Variants in SPRED3 observed in about 807,000 individuals in gnomAD.
The protein encoded by SPRED3 is sprouty related EVH1 domain containing 3, also known as sprouty-related, EVH1 domain-containing protein 3.
Under a neutral mutation model 37.6 loss-of-function variants are expected in SPRED3, and 23 were observed. The observed-to-expected ratio is 0.61, with a 90% CI of 0.44 to 0.87. SPRED3 has a LOEUF of 0.87. SPRED3 is among the 40% of genes least tolerant of loss of function. The probability of loss-of-function intolerance (pLI) is 0.00; values close to 1 mark genes in which losing one functional copy is unlikely to be tolerated. For synonymous variants in SPRED3, 302 were observed against 279.6 expected (o/e 1.08, Z -0.80); for missense variants, 584 against 618.6 (o/e 0.94, Z 0.59).
At position 38,394,789 on chromosome 19, in the gene SPRED3, G is replaced by T; in HGVS notation, c.567+3G>T. On this transcript the variant is annotated splice_donor_region_variant and intron_variant, in intron 5 of 5. Coordinates refer to ENST00000691638, the MANE Select transcript of SPRED3 (RefSeq NM_001394336.1). Reference sequence around the variant, plus strand: ...AGCGCCGCCGCTCCTCCGCTCAGGTGCGACCTGGGAGCCTGGGGCTCCTGG... The same window carrying T: ...AGCGCCGCCGCTCCTCCGCTCAGGTTCGACCTGGGAGCCTGGGGCTCCTGG... 6.4e-7 allele frequency: 1 copy of T among 1,556,506 alleles called. No homozygotes were observed.
At position 38,396,973 on chromosome 19, in the gene SPRED3, C is replaced by G. The variant is rs190481507; in HGVS notation, c.*828C>G. 6.6e-6 allele frequency: 1 copy of G among 152,284 alleles called. No individual in the cohort carries two copies. Among genetic ancestry groups the G allele is most frequent in the East Asian group, 1.9e-4 (1 of 5,182 alleles). 9.4% of individuals were successfully genotyped at this position (152,284 alleles called of 1,614,324 possible). ...CTTGGGAGACCCATCCCAGAGCCCC[C>G]AAGATCCAGATATCAGACACCAAGA... On this transcript the variant is annotated 3_prime_UTR_variant, in exon 6 of 6. Coordinates refer to ENST00000691638, the MANE Select transcript of SPRED3 (RefSeq NM_001394336.1).
Position 38,395,684 on chromosome 19 carries a change from C to G in SPRED3, c.772C>G (p.Leu258Val). ...RGAALGPPAA[L>V]PAPLTEAAPP... is the part of the protein sequence containing the mutation. The stretch of plus-strand genomic sequence containing the variant: ...CGCTGCCCTGGGTCCCCCAGCGGCA[C>G]TACCTGCCCCTTTGACCGAGGCTGC... The change falls in exon 6 of 6, where the codon CTA (leucine) becomes GTA (valine). Residue 258 changes from leucine to valine, a missense_variant. By Grantham distance (32) the Leu-to-Val change is conservative. Around this residue, in one of 7 missense-constraint regions of SPRED3, gnomAD observed 310 missense variants for 281.1 expected, o/e 1.10. Transcript: ENST00000691638. The surrounding 1 kb of genome is among the most constrained non-coding windows in gnomAD (Gnocchi z 5.2). The G allele has an allele frequency of 6.7e-7, 1 of 1,488,256 alleles. No individual in the cohort carries two copies. 92.2% of individuals were successfully genotyped at this position (1,488,256 alleles called of 1,614,324 possible).
chr19:38,390,310 G>A lies in SPRED3; in HGVS notation c.8G>A (p.Arg3Gln), dbSNP rs778050357. The change falls in exon 2 of 6, where the codon CGG becomes CAG. Residue 3 changes from arginine (R) to glutamine (Q), a missense_variant. Transcript: ENST00000691638. Reference sequence around the variant, plus strand: ...CCCACCTCCTGCAGGTACATGGTGCGGGTCCGAGCTGTGGTGATGGCCCGA... The same window carrying A: ...CCCACCTCCTGCAGGTACATGGTGCAGGTCCGAGCTGTGGTGATGGCCCGA... MV[R>Q]VRAVVMARDD... 21 of 1,353,440 alleles carry A rather than the reference G, an allele frequency of 1.6e-5. No homozygotes were observed. Among genetic ancestry groups the A allele is most frequent in the East Asian group, 2.8e-5 (1 of 35,826 alleles). 83.8% of individuals were successfully genotyped at this position (1,353,440 alleles called of 1,614,324 possible). A position where few individuals can be genotyped will look rare whatever the true frequency, so the allele number is the denominator to read the frequency against.
Position 38,395,878 on chromosome 19 carries a change from T to A in SPRED3, c.966T>A (p.Gly322=). ...GCTGCGCAGAGGCCCCGGACCCGGG[T>A]CGCCTCCTGGTGCGCCGTCTAAGCT... The part of the protein sequence containing the change: ...GGRCAEAPDP[G]RLLVRRLSCL... Residue 322 remains glycine (G), a synonymous_variant, in exon 6 of 6, where the codon GGT becomes GGA. Coordinates refer to ENST00000691638, the MANE Select transcript of SPRED3 (RefSeq NM_001394336.1). The surrounding 1 kb of genome is among the most constrained non-coding windows in gnomAD (Gnocchi z 5.2). 6.7e-7 allele frequency: 1 copy of A among 1,496,430 alleles called. No homozygotes were observed. The highest frequency in any genetic ancestry group is 1.2e-5 in the South Asian group (1 of 80,016). The allele number at this position is 1,496,430 out of a possible 1,614,324, so 92.7% of individuals were successfully genotyped here. A position where few individuals can be genotyped will look rare whatever the true frequency, so the allele number is the denominator to read the frequency against.
chr19:38,391,207 G>GT (rs1403723137), intron 2 of SPRED3, among the ~76,000 whole-genome samples: 1 of 151,728 alleles, frequency 6.6e-6, no homozygotes, highest in Non-Finnish European at 1.5e-5. Context: ...CTGTTTTGGA[G>GT]TAAGTGCTGG....
rs1197896623 is a variant in SPRED3, at chr19:38,395,656, G to A, written c.744G>A (p.Arg248=). Reference sequence around the variant, plus strand: ...GCTTCGCCAAGACCGGCGCGTTGAGGGGCGCTGCCCTGGGTCCCCCAGCGG... The same window carrying A: ...GCTTCGCCAAGACCGGCGCGTTGAGAGGCGCTGCCCTGGGTCCCCCAGCGG... ...VVRFAKTGAL[R]GAALGPPAAL... Residue 248 remains arginine (R), a synonymous_variant, in exon 6 of 6, where the codon AGG becomes AGA. Transcript: ENST00000691638. The surrounding 1 kb of genome is among the most constrained non-coding windows in gnomAD (Gnocchi z 5.2). 2 of 1,523,708 alleles carry A rather than the reference G, an allele frequency of 1.3e-6. No homozygotes were observed. The highest frequency in any genetic ancestry group is 1.7e-6 in the Non-Finnish European group (2 of 1,146,234). The allele number at this position is 1,523,708 out of a possible 1,614,324, so 94.4% of individuals were successfully genotyped here.
chr19:38,389,407 T>A (rs1259972915), intron 1 of SPRED3, among the ~76,000 whole-genome samples: 1 of 144,748 alleles, frequency 6.9e-6, no homozygotes, highest in African/African-American at 2.6e-5. Flanking sequence ...AGTGAAGGGC[T>A]GGACACTGAT....
chr19:38,395,793 C>T lies in SPRED3; in HGVS notation c.881C>T (p.Ala294Val). Residue 294 changes from alanine (A) to valine (V), a missense_variant, in exon 6 of 6, where the codon GCA becomes GTA. By Grantham distance (64) the Ala-to-Val change is moderately conservative (BLOSUM62 0). Around this residue, in one of 7 missense-constraint regions of SPRED3, gnomAD observed 310 missense variants for 281.1 expected, o/e 1.10. Transcript: ENST00000691638. This position sits in a 1 kb window ranked among gnomAD's most constrained non-coding sequence, Gnocchi z 5.2. ...PAKASPEAEEAARCVHCRALF... is the reference protein window; with the variant it reads ...PAKASPEAEEVARCVHCRALF... Reference sequence around the variant, plus strand: ...AAGGCCTCCCCGGAAGCGGAGGAGGCAGCGCGCTGCGTGCATTGCCGCGCG... The same window carrying T: ...AAGGCCTCCCCGGAAGCGGAGGAGGTAGCGCGCTGCGTGCATTGCCGCGCG... 1 of 1,465,132 alleles carries T rather than the reference C, an allele frequency of 6.8e-7. No homozygotes were observed. 90.8% of individuals were successfully genotyped at this position (1,465,132 alleles called of 1,614,324 possible). A position where few individuals can be genotyped will look rare whatever the true frequency, so the allele number is the denominator to read the frequency against.
chr19:38,388,752 AAGG>A lies in SPRED3; in HGVS notation c.-47_-45del, dbSNP rs1266895354. On this transcript the variant is annotated 5_prime_UTR_variant, in exon 1 of 6. Coordinates refer to ENST00000691638, the MANE Select transcript of SPRED3 (RefSeq NM_001394336.1). ...GAGCCAGCCAGGGAGCCGGAACGAA[AAGG>A]AGGAGGAGGAGGCCGCGTCGCCGCC... The A allele has an allele frequency of 2.5e-6, 1 of 397,580 alleles. No homozygotes were observed. Among genetic ancestry groups the A allele is most frequent in the Non-Finnish European group, 4.4e-6 (1 of 225,560 alleles). The allele number at this position is 397,580 out of a possible 1,614,324, so 24.6% of individuals were successfully genotyped here. A position where few individuals can be genotyped will look rare whatever the true frequency, so the allele number is the denominator to read the frequency against.
chr19:38,388,771 C>G lies in SPRED3; in HGVS notation c.-41C>G. On this transcript the variant is annotated 5_prime_UTR_variant, in exon 1 of 6. Coordinates refer to ENST00000691638, the MANE Select transcript of SPRED3 (RefSeq NM_001394336.1). ...AACGAAAAGGAGGAGGAGGAGGCCG[C>G]GTCGCCGCCGCTCGGAGCCCGGCCG... 2.5e-6 allele frequency: 1 copy of G among 398,178 alleles called. No homozygotes were observed. The highest frequency in any genetic ancestry group is 1.3e-4 in the South Asian group (1 of 7,848). 24.7% of individuals were successfully genotyped at this position (398,178 alleles called of 1,614,324 possible). A position where few individuals can be genotyped will look rare whatever the true frequency, so the allele number is the denominator to read the frequency against.
At chr19:38,391,106 A>G (rs565432348) in intron 2 of SPRED3, among the ~76,000 whole-genome samples, 1 of 151,920 alleles carries the variant, frequency 6.6e-6, no homozygotes, top group Admixed American at 6.6e-5. Flanking sequence ...AATGGAGTGA[A>G]GGAATATGGT....
chr19:38,395,920 G>T lies in SPRED3; in HGVS notation c.1008G>T (p.Glu336Asp), dbSNP rs1373311783. 6.6e-7 allele frequency: 1 copy of T among 1,512,104 alleles called. No homozygotes were observed. The highest frequency in any genetic ancestry group is 2.1e-5 in the Admixed American group (1 of 48,608). The allele number at this position is 1,512,104 out of a possible 1,614,324, so 93.7% of individuals were successfully genotyped here. A position where few individuals can be genotyped will look rare whatever the true frequency, so the allele number is the denominator to read the frequency against. Residue 336 changes from glutamate to aspartate, a missense_variant, in exon 6 of 6, where the codon GAG becomes GAT. Transcript: ENST00000691638. The surrounding 1 kb of genome is among the most constrained non-coding windows in gnomAD (Gnocchi z 5.2). ...VRRLSCLWCA[E>D]SLLYHCLSDA... ...GTCTAAGCTGCCTGTGGTGCGCCGA[G>T]AGCTTGCTCTACCACTGCCTGTCGG...
At chr19:38,393,955 T>C (rs1446574631) in intron 4 of SPRED3, among the ~76,000 whole-genome samples, 4 of 152,196 alleles carry the variant, frequency 2.6e-5, no homozygotes, top group Non-Finnish European at 5.9e-5. Context: ...TTCCCATCCA[T>C]GGAGCACTTA....
At position 38,392,319 on chromosome 19, in the gene SPRED3, G is replaced by A. The variant is rs186410183; in HGVS notation, c.423+31G>A. 76 of 1,478,400 alleles carry A rather than the reference G, an allele frequency of 5.1e-5. No individual in the cohort carries two copies. The East Asian group carries it at 1.8e-3, about 35-fold the overall frequency. 91.6% of individuals were successfully genotyped at this position (1,478,400 alleles called of 1,614,324 possible). On this transcript the variant is annotated intron_variant, in intron 4 of 5. Coordinates refer to ENST00000691638, the MANE Select transcript of SPRED3 (RefSeq NM_001394336.1). ...TGTCCAGGATGCCTCTCTGCTGGGGGAGGGTAGGGGTTTTGTTTTTATTCT... is the reference window on the plus strand; with the variant it reads ...TGTCCAGGATGCCTCTCTGCTGGGGAAGGGTAGGGGTTTTGTTTTTATTCT...
chr19:38,389,230 T>A (rs1970791340), intron 1 of SPRED3, among the ~76,000 whole-genome samples: 1 of 152,062 alleles, frequency 6.6e-6, no homozygotes, highest in African/African-American at 2.4e-5. Flanking sequence ...ACGTGACTGC[T>A]CATTCACAAA....
chr19:38,393,139 C>T (rs753311929), intron 4 of SPRED3, among the ~76,000 whole-genome samples: 55 of 152,176 alleles, frequency 3.6e-4, no homozygotes, highest in Non-Finnish European at 6.5e-4. Flanking sequence ...GCCTGGAACA[C>T]TCTTTCCCAG....
intron 4 of SPRED3, 152 bp downstream of exon 4, chr19:38,392,440 G>C (rs1388077194): frequency 1.2e-6 from 1 of 825,548 alleles, no homozygotes; most frequent in Non-Finnish European, 1.8e-6. Context: ...TTCAATCCCA[G>C]TTATTCTAGT....
At chr19:38,394,132 G>A (rs1194356010) in intron 4 of SPRED3, among the ~76,000 whole-genome samples, 9 of 152,234 alleles carry the variant, frequency 5.9e-5, no homozygotes, top group Admixed American at 5.9e-4. Context: ...CTGAGAAGTC[G>A]TTTCAGCTAG....
chr19:38,393,614 G>A (rs997096435), intron 4 of SPRED3, among the ~76,000 whole-genome samples: 3 of 152,074 alleles, frequency 2.0e-5, no homozygotes, highest in Non-Finnish European at 4.4e-5. Context: ...GGGATTACAG[G>A]TGTATTTCCC....
Sources: allele counts gnomAD v4.1 joint callset (sites outside exome capture counted in the v4.1 genomes callset), GRCh38; gene constraint gnomAD v4.1.1; regional missense constraint gnomAD v4.1.1; non-coding constraint Gnocchi (gnomAD v3.1); transcripts MANE v1.5; gene names NCBI Gene and HGNC (gene_info 2026-07-23, HGNC 2026-07-21).